The following MAPK8IP2 variants were observed in gnomAD, a reference collection of about 807,000 sequenced individuals.
The protein encoded by MAPK8IP2 is mitogen-activated protein kinase 8 interacting protein 2, also known as C-Jun-amino-terminal kinase-interacting protein 2.
In MAPK8IP2, 15 loss-of-function variants were observed where a neutral mutation model predicts 75.6. That is an observed-to-expected ratio of 0.20 (90% CI 0.13 to 0.31). The LOEUF (loss-of-function observed/expected upper bound fraction) is 0.31, where lower values mean the gene tolerates loss of function less well. Among genes scored for constraint, MAPK8IP2 ranks in the 10% least tolerant of loss-of-function variants. The pLI is 1.00. For synonymous variants in MAPK8IP2, 632 were observed against 554.5 expected (o/e 1.14, Z -1.96); for missense variants, 1,089 against 1,211.2 (o/e 0.90, Z 1.50).
chr22:50,610,911 C>A lies in MAPK8IP2; in HGVS notation c.*132C>A. 2 of 745,926 alleles carry A rather than the reference C, an allele frequency of 2.7e-6. No homozygotes were observed. Among genetic ancestry groups the A allele is most frequent in the Non-Finnish European group, 4.2e-6 (2 of 472,888 alleles). The allele number at this position is 745,926 out of a possible 1,614,324, so 46.2% of individuals were successfully genotyped here. A position where few individuals can be genotyped will look rare whatever the true frequency, so the allele number is the denominator to read the frequency against. On this transcript the variant is annotated 3_prime_UTR_variant, in exon 12 of 12. Transcript: ENST00000329492. This position sits in a 1 kb window ranked among gnomAD's most constrained non-coding sequence, Gnocchi z 4.3. ...GGGACCTTACGCTTGTGGGGGTCTGCGGGCTGGGAACTCTCGTCCTCGGTC... is the reference window on the plus strand; with the variant it reads ...GGGACCTTACGCTTGTGGGGGTCTGAGGGCTGGGAACTCTCGTCCTCGGTC...
At position 50,603,687 on chromosome 22, in the gene MAPK8IP2, C is replaced by A; in HGVS notation, c.509C>A (p.Ala170Glu). The A allele has an allele frequency of 6.3e-7, 1 of 1,585,050 alleles. No individual in the cohort carries two copies. Among genetic ancestry groups the A allele is most frequent in the South Asian group, 1.1e-5 (1 of 87,026 alleles). ...LVRPASWQET[A>E]LCSPAPEALR... is the part of the protein sequence containing the mutation. ...CGTCCGGCCTCCTGGCAGGAGACAG[C>A]GCTATGCTCACCCGCCCCGGAGGCC... The change falls in exon 4 of 12, where the codon GCG (alanine) becomes GAG (glutamate). Residue 170 changes from alanine (A) to glutamate (E), a missense_variant. Physicochemically the swap from Ala to Glu is moderately radical, Grantham distance 107. Around this residue, in one of 2 missense-constraint regions of MAPK8IP2, gnomAD observed 960 missense variants for 1,009.6 expected, o/e 0.95. Coordinates refer to ENST00000329492, the MANE Select transcript of MAPK8IP2 (RefSeq NM_012324.6).
chr22:50,600,838 T>C lies in MAPK8IP2; in HGVS notation c.20T>C (p.Met7Thr), dbSNP rs1268132402. 1.5e-6 allele frequency: 2 copies of C among 1,306,260 alleles called. No homozygotes were observed. Among genetic ancestry groups the C allele is most frequent in the Non-Finnish European group, 2.0e-6 (2 of 1,001,904 alleles). 80.9% of individuals were successfully genotyped at this position (1,306,260 alleles called of 1,614,324 possible). Residue 7 changes from methionine (M) to threonine (T), a missense_variant, in exon 1 of 12, where the codon ATG (methionine) becomes ACG (threonine). By Grantham distance (81) the Met-to-Thr change is moderately conservative. Coordinates refer to ENST00000329492, the MANE Select transcript of MAPK8IP2 (RefSeq NM_012324.6). MADRAE[M>T]FSLSTFHSLS... Reference sequence around the variant, plus strand: ...GAGAAGATGGCGGATCGCGCGGAGATGTTTTCTCTCTCCACCTTCCACTCG... The same window carrying C: ...GAGAAGATGGCGGATCGCGCGGAGACGTTTTCTCTCTCCACCTTCCACTCG...
Position 50,605,900 on chromosome 22 carries a change from A to T in MAPK8IP2, c.2090A>T (p.Gln697Leu). Residue 697 changes from glutamine (Q) to leucine (L), a missense_variant, in exon 8 of 12, where the codon CAG becomes CTG. Transcript: ENST00000329492. The part of the protein sequence containing the change: ...FLGSVEVPCH[Q>L]GNGILCAAMQ... ...GGCTCCGTGGAGGTGCCCTGCCACC[A>T]GGGCAACGGCATCCTGTGTGCAGCC... The T allele has an allele frequency of 6.3e-7, 1 of 1,584,710 alleles. No individual in the cohort carries two copies. The highest frequency in any genetic ancestry group is 8.6e-7 in the Non-Finnish European group (1 of 1,167,208).
Position 50,607,066 on chromosome 22 carries a change from C to T in MAPK8IP2, c.2303+75C>T. 1 of 1,222,414 alleles carries T rather than the reference C, an allele frequency of 8.2e-7. No homozygotes were observed. The highest frequency in any genetic ancestry group is 1.2e-6 in the Non-Finnish European group (1 of 827,586). The allele number at this position is 1,222,414 out of a possible 1,614,324, so 75.7% of individuals were successfully genotyped here. ...AGAGTCCAACCGCCCCCTGAGTCCCCACAGACCCTGAGGGCTGCCCGTGCC... is the reference window on the plus strand; with the variant it reads ...AGAGTCCAACCGCCCCCTGAGTCCCTACAGACCCTGAGGGCTGCCCGTGCC... On this transcript the variant is annotated intron_variant, in intron 10 of 11. Transcript: ENST00000329492. This position sits in a 1 kb window ranked among gnomAD's most constrained non-coding sequence, Gnocchi z 5.6.
Position 50,613,028 on chromosome 22 carries a change from GTCT to G in MAPK8IP2, c.*2254_*2256del, listed in dbSNP as rs2071176027. 6.6e-6 allele frequency: 1 copy of G among 152,544 alleles called. No homozygotes were observed. The highest frequency in any genetic ancestry group is 1.5e-5 in the Non-Finnish European group (1 of 68,344). 9.4% of individuals were successfully genotyped at this position (152,544 alleles called of 1,614,324 possible). ...CTGCAGCTCCTTCTCCAATCTCATG[GTCT>G]TCTTGAGCTTGGCCGCCCTCCACGC... On this transcript the variant is annotated 3_prime_UTR_variant, in exon 12 of 12. Coordinates refer to ENST00000329492, the MANE Select transcript of MAPK8IP2 (RefSeq NM_012324.6).
rs368829418 is a variant in MAPK8IP2, at chr22:50,605,855, G to A, written c.2045G>A (p.Arg682His). The A allele has an allele frequency of 4.4e-6, 7 of 1,586,474 alleles. No individual in the cohort carries two copies. Among genetic ancestry groups the A allele is most frequent in the African/African-American group, 2.7e-5 (2 of 74,320 alleles). ...AAGCGGAGCCCCTGCTGGGTGGAGC[G>A]CTTTGACGTGCAGTTCCTGGGCTCC... is the stretch of plus-strand genomic sequence containing the variant. ...GSKRSPCWVE[R>H]FDVQFLGSVE... Residue 682 changes from arginine to histidine, a missense_variant, in exon 8 of 12, where the codon CGC becomes CAC. Arg to His is a conservative substitution (Grantham distance 29). Coordinates refer to ENST00000329492, the MANE Select transcript of MAPK8IP2 (RefSeq NM_012324.6).
chr22:50,605,891 C>T lies in MAPK8IP2; in HGVS notation c.2081C>T (p.Pro694Leu). Reference protein sequence around the residue: ...DVQFLGSVEVPCHQGNGILCA... With the variant: ...DVQFLGSVEVLCHQGNGILCA... ...CAGTTCCTGGGCTCCGTGGAGGTGC[C>T]CTGCCACCAGGGCAACGGCATCCTG... The change falls in exon 8 of 12, where the codon CCC (proline) becomes CTC (leucine). Residue 694 changes from proline to leucine, a missense_variant. Physicochemically the swap from Pro to Leu is moderately conservative, Grantham distance 98. Around this residue, in one of 2 missense-constraint regions of MAPK8IP2, gnomAD observed 129 missense variants for 201.7 expected, o/e 0.64. Transcript: ENST00000329492. 1 of 1,586,478 alleles carries T rather than the reference C, an allele frequency of 6.3e-7. No individual in the cohort carries two copies. Among genetic ancestry groups the T allele is most frequent in the Non-Finnish European group, 8.6e-7 (1 of 1,168,038 alleles).
rs990719278 is a variant in MAPK8IP2 at position 50,603,053 on chromosome 22, A to G, written c.172-170A>G. On this transcript the variant is annotated intron_variant, in intron 2 of 11. Coordinates refer to ENST00000329492, the MANE Select transcript of MAPK8IP2 (RefSeq NM_012324.6). Reference sequence around the variant, plus strand: ...CTTCCCAAGAACTGGAGTGATCCCAATGTGTGTTAGGCAGATTTTGAAAAC... The same window carrying G: ...CTTCCCAAGAACTGGAGTGATCCCAGTGTGTGTTAGGCAGATTTTGAAAAC... 22 of 1,417,888 alleles carry G rather than the reference A, an allele frequency of 1.6e-5. No homozygotes were observed. The African/African-American group carries it at 1.7e-4, about 11-fold the overall frequency. 87.8% of individuals were successfully genotyped at this position (1,417,888 alleles called of 1,614,324 possible).
chr22:50,605,826 G>A lies in MAPK8IP2; in HGVS notation c.2016G>A (p.Gly672=), dbSNP rs780562453. The change falls in exon 8 of 12, where the codon GGG becomes GGA. Residue 672 remains glycine (G), a splice_region_variant and synonymous_variant. Coordinates refer to ENST00000329492, the MANE Select transcript of MAPK8IP2 (RefSeq NM_012324.6). ...GGCCCTCTGTGCCCCGCTCCCCAGGGAGTAAGCGGAGCCCCTGCTGGGTGG... is the reference window on the plus strand; with the variant it reads ...GGCCCTCTGTGCCCCGCTCCCCAGGAAGTAAGCGGAGCCCCTGCTGGGTGG... ...AVPGPAKDLL[G]SKRSPCWVER... 6.3e-7 allele frequency: 1 copy of A among 1,588,036 alleles called. No homozygotes were observed. The highest frequency in any genetic ancestry group is 2.3e-5 in the East Asian group (1 of 43,468).
At position 50,603,489 on chromosome 22, in the gene MAPK8IP2, G is replaced by A. The variant is rs1389450109; in HGVS notation, c.438G>A (p.Leu146=). The change falls in exon 3 of 12, where the codon CTG becomes CTA. Residue 146 remains leucine, a synonymous_variant. Coordinates refer to ENST00000329492, the MANE Select transcript of MAPK8IP2 (RefSeq NM_012324.6). The part of the protein sequence containing the change: ...HRPTTLRLTT[L]GAQDSLNNNG... ...CCACCACCCTCCGTCTGACCACACT[G>A]GGGGCCCAGGTGAGTGCCCGGACCC... 6.4e-7 allele frequency: 1 copy of A among 1,561,938 alleles called. No individual in the cohort carries two copies. The highest frequency in any genetic ancestry group is 1.4e-5 in the African/African-American group (1 of 73,956).
rs559694012 is a variant in MAPK8IP2, at chr22:50,605,742, C to T, written c.2014+8C>T. On this transcript the variant is annotated splice_region_variant and intron_variant, in intron 7 of 11. Transcript: ENST00000329492. ...CTGCCAAGGACCTGCTGGGTGAGGT[C>T]CCAACCCCGAGGGGAGGCTTTTCAC... The T allele has an allele frequency of 6.2e-7, 1 of 1,606,124 alleles. No individual in the cohort carries two copies. The highest frequency in any genetic ancestry group is 8.5e-7 in the Non-Finnish European group (1 of 1,176,548).
chr22:50,613,232 A>T lies in MAPK8IP2; in HGVS notation c.*2453A>T, dbSNP rs1011207993. 2.0e-5 allele frequency: 3 copies of T among 152,374 alleles called. No individual in the cohort carries two copies. The highest frequency in any genetic ancestry group is 7.2e-5 in the African/African-American group (3 of 41,460). The allele number at this position is 152,374 out of a possible 1,614,324, so 9.4% of individuals were successfully genotyped here. A position where few individuals can be genotyped will look rare whatever the true frequency, so the allele number is the denominator to read the frequency against. On this transcript the variant is annotated 3_prime_UTR_variant, in exon 12 of 12. Coordinates refer to ENST00000329492, the MANE Select transcript of MAPK8IP2 (RefSeq NM_012324.6). The stretch of plus-strand genomic sequence containing the variant: ...GCTCATCACTGGGCCGGTGCTCTGC[A>T]GAATGAGCTGTGAGAGCCACTGTGG...
chr22:50,603,579 T>C (rs1350499229), intron 3 of MAPK8IP2, 47 bp from the exon 4 acceptor site: 6 of 1,581,878 alleles, frequency 3.8e-6, no homozygotes, highest in South Asian at 1.1e-5. Flanking sequence ...GCTCACCCCC[T>C]GGGAGCTGGC....
In MAPK8IP2 at chr22:50,604,670, C is replaced by T; in HGVS notation, c.1371C>T (p.Ala457=). ...TGTGGGCCGCGCCCGGCCGCGCCGCCCGCCCGGGACGAGCCTGCTCCGCCG... is the reference window on the plus strand; with the variant it reads ...TGTGGGCCGCGCCCGGCCGCGCCGCTCGCCCGGGACGAGCCTGCTCCGCCG... ...TPLWAAPGRA[A]RPGRACSAAC... The change falls in exon 5 of 12, where the codon GCC becomes GCT. Residue 457 remains alanine (A), a synonymous_variant. Coordinates refer to ENST00000329492, the MANE Select transcript of MAPK8IP2 (RefSeq NM_012324.6). 1 of 1,520,980 alleles carries T rather than the reference C, an allele frequency of 6.6e-7. No homozygotes were observed. 94.2% of individuals were successfully genotyped at this position (1,520,980 alleles called of 1,614,324 possible). A position where few individuals can be genotyped will look rare whatever the true frequency, so the allele number is the denominator to read the frequency against.
intron 2 of MAPK8IP2, 27 bp downstream of exon 2, chr22:50,601,921 C>G (rs761040039): frequency 1.9e-6 from 3 of 1,576,182 alleles, no homozygotes; most frequent in African/African-American, 2.7e-5. Flanking sequence ...GGACACAGAT[C>G]CAGCTCAAGG....
At position 50,604,427 on chromosome 22, in the gene MAPK8IP2, G is replaced by A. The variant is rs1229787007; in HGVS notation, c.1128G>A (p.Ala376=). The A allele has an allele frequency of 5.5e-6, 8 of 1,451,748 alleles. No homozygotes were observed. Among genetic ancestry groups the A allele is most frequent in the Non-Finnish European group, 7.2e-6 (8 of 1,105,794 alleles). 89.9% of individuals were successfully genotyped at this position (1,451,748 alleles called of 1,614,324 possible). The change falls in exon 5 of 12, where the codon GCG becomes GCA. Residue 376 remains alanine, a synonymous_variant. Coordinates refer to ENST00000329492, the MANE Select transcript of MAPK8IP2 (RefSeq NM_012324.6). ...GCCCCGGCCAGTGCCTGTCTCCTGC[G>A]CCGCGCCCGCCCGGGGAGCCCGTGT... The part of the protein sequence containing the change: ...IRCPGQCLSP[A]PRPPGEPVSP...
In MAPK8IP2 at chr22:50,606,909, C is replaced by T. The variant is rs764468003; in HGVS notation, c.2233-12C>T. On this transcript the variant is annotated splice_polypyrimidine_tract_variant and intron_variant, in intron 9 of 11. Transcript: ENST00000329492. ...CCTTTGACACAGGGACTTCTGCCCACCTCTGCTCTAGTTCCAGCGCTGCAG... is the reference window on the plus strand; with the variant it reads ...CCTTTGACACAGGGACTTCTGCCCATCTCTGCTCTAGTTCCAGCGCTGCAG... The T allele has an allele frequency of 1.2e-6, 2 of 1,613,676 alleles. No homozygotes were observed. Among genetic ancestry groups the T allele is most frequent in the Non-Finnish European group, 1.7e-6 (2 of 1,179,708 alleles).
chr22:50,606,980 C>G lies in MAPK8IP2; in HGVS notation c.2292C>G (p.Pro764=). ...MKNISFCGCH[P]RNSCYFGFIT... Reference sequence around the variant, plus strand: ...ACATCTCCTTCTGCGGCTGCCATCCCCGCAACAGCTGGTGAGAGTCTGACC... The same window carrying G: ...ACATCTCCTTCTGCGGCTGCCATCCGCGCAACAGCTGGTGAGAGTCTGACC... Residue 764 remains proline, a synonymous_variant, in exon 10 of 12, where the codon CCC becomes CCG. Coordinates refer to ENST00000329492, the MANE Select transcript of MAPK8IP2 (RefSeq NM_012324.6). The G allele has an allele frequency of 3.7e-6, 6 of 1,613,738 alleles. No individual in the cohort carries two copies. Among genetic ancestry groups the G allele is most frequent in the Non-Finnish European group, 5.1e-6 (6 of 1,179,776 alleles).
At position 50,610,812 on chromosome 22, in the gene MAPK8IP2, T is replaced by C; in HGVS notation, c.*33T>C. 1 of 1,548,770 alleles carries C rather than the reference T, an allele frequency of 6.5e-7. No individual in the cohort carries two copies. Among genetic ancestry groups the C allele is most frequent in the Non-Finnish European group, 8.8e-7 (1 of 1,139,654 alleles). ...ACCGCTCTGTCTCCTGGCCGTCTGC[T>C]CCAGGCGCAGCTGGGGCTGAGGATG... On this transcript the variant is annotated 3_prime_UTR_variant, in exon 12 of 12. Coordinates refer to ENST00000329492, the MANE Select transcript of MAPK8IP2 (RefSeq NM_012324.6). The surrounding 1 kb of genome is among the most constrained non-coding windows in gnomAD (Gnocchi z 4.3).
Sources: gnomAD v4.1 joint callset for allele counts on GRCh38, gnomAD v4.1.1 for gene constraint, gnomAD v4.1.1 regional missense constraint, Gnocchi (gnomAD v3.1) non-coding constraint, MANE v1.5 for transcripts, NCBI Gene and HGNC (gene_info 2026-07-23, HGNC 2026-07-21) for gene names.